PATJ: variants seen among roughly 807,000 people sequenced by gnomAD.
PATJ encodes inaD-like protein.
In PATJ, 190 loss-of-function variants were observed where a neutral mutation model predicts 224.9. That is an observed-to-expected ratio of 0.84 (90% CI 0.75 to 0.95). PATJ has a LOEUF of 0.95. Ranked by LOEUF, PATJ falls within the 40% of genes least tolerant of loss-of-function variation. PATJ has a pLI of 0.00. For synonymous variants in PATJ, 769 were observed against 820.3 expected (o/e 0.94, Z 1.07); for missense variants, 2,121 against 2,270.3 (o/e 0.93, Z 1.34).
At chr1:61,956,860 G>C (rs898639386) in intron 27 of PATJ, among the ~76,000 whole-genome samples, 1 of 152,216 alleles carries the variant, frequency 6.6e-6, no homozygotes, top group African/African-American at 2.4e-5. Flanking sequence ...TGTTTCAACT[G>C]TTCCTTGAGA....
chr1:61,871,459 A>ATATATATATATACATATATATGCG (rs1666481910), intron 20 of PATJ, among the ~76,000 whole-genome samples: 4 of 56,002 alleles, frequency 7.1e-5, no homozygotes, highest in African/African-American at 3.1e-4. Context: ...ATATATGCGT[A>ATATATATATATACATATATATGCG]TATATATGTA....
rs1164311143 is a variant in PATJ, at chr1:62,127,970, A to T, written c.5044-2A>T. The T allele has an allele frequency of 6.2e-7, 1 of 1,613,602 alleles. No individual in the cohort carries two copies. The highest frequency in any genetic ancestry group is 1.7e-5 in the Admixed American group (1 of 59,926). On this transcript the variant is annotated splice_acceptor_variant, in intron 39 of 43. Transcript: ENST00000642238. LOFTEE classifies it high-confidence loss of function. Reference sequence around the variant, plus strand: ...AAGCATTATGTTTTCTTCCTTTTTTAGGAGCTCAGTGATGCCCTTGGAATC... The same window carrying T: ...AAGCATTATGTTTTCTTCCTTTTTTTGGAGCTCAGTGATGCCCTTGGAATC...
chr1:62,020,322 C>G (rs1253029400), intron 29 of PATJ, among the ~76,000 whole-genome samples: 1 of 152,130 alleles, frequency 6.6e-6, no homozygotes, highest in Non-Finnish European at 1.5e-5. Context: ...GTAGTGATGG[C>G]TGCTACCACA....
intron 7 of PATJ, among the ~76,000 whole-genome samples, chr1:61,784,681 T>C (rs1282851681): frequency 6.6e-6 from 1 of 152,238 alleles, no homozygotes. Flanking sequence ...TTTTGATCAG[T>C]GCATAATTCT....
intron 27 of PATJ, among the ~76,000 whole-genome samples, chr1:61,958,497 G>A (rs1294464094): frequency 6.6e-6 from 1 of 152,088 alleles, no homozygotes; most frequent in Non-Finnish European, 1.5e-5. Flanking sequence ...ACACCTTAAA[G>A]CCCTCTATGG....
chr1:62,130,512 AT>A (rs1430807630), intron 41 of PATJ, among the ~76,000 whole-genome samples: 5 of 151,924 alleles, frequency 3.3e-5, no homozygotes, highest in South Asian at 2.1e-4. Flanking sequence ...TACAAAAAAA[AT>A]AAAAATAAAA....
chr1:62,144,796 A>ATATAT (rs1204098847), intron 41 of PATJ, among the ~76,000 whole-genome samples: 3 of 145,128 alleles, frequency 2.1e-5, no homozygotes, highest in African/African-American at 5.1e-5. Context: ...ATATATATAT[A>ATATAT]ATTAGCAGAA....
chr1:62,011,843 A>G (rs1375317026), intron 28 of PATJ, among the ~76,000 whole-genome samples: 2 of 152,106 alleles, frequency 1.3e-5, no homozygotes, highest in Middle Eastern at 3.2e-3. Flanking sequence ...ATGGGACTCC[A>G]TATTGCATTT....
intron 33 of PATJ, 35 bp from the exon 34 acceptor site, chr1:62,108,402 G>A (rs1312796508): frequency 7.3e-7 from 1 of 1,371,768 alleles, no homozygotes; most frequent in East Asian, 2.3e-5. Flanking sequence ...AGCATTTGTG[G>A]TTGTTGAAAA....
intron 16 of PATJ, 23 bp downstream of exon 16, chr1:61,827,606 TTCCC>T: frequency 1.2e-6 from 2 of 1,605,380 alleles, no homozygotes; most frequent in Non-Finnish European, 1.7e-6. Context: ...TATAGTGCAT[TTCCC>T]ATAGGCATGC....
chr1:61,822,684 G>C (rs1570717404), intron 14 of PATJ, among the ~76,000 whole-genome samples: 1 of 152,188 alleles, frequency 6.6e-6, no homozygotes, highest in African/African-American at 2.4e-5. Flanking sequence ...GGACTGCCTG[G>C]AGCTTAGAAT....
chr1:61,752,670 A>C (rs1349447726), intron 1 of PATJ, among the ~76,000 whole-genome samples: 1 of 152,150 alleles, frequency 6.6e-6, no homozygotes, highest in Non-Finnish European at 1.5e-5. Context: ...TTGAAGCACT[A>C]TTCACAAGTT....
At chr1:62,004,545 G>A (rs550522906) in intron 28 of PATJ, among the ~76,000 whole-genome samples, 86 of 152,174 alleles carry the variant, frequency 5.7e-4, no homozygotes, top group African/African-American at 2.0e-3. Context: ...CTTTTAAACT[G>A]AAAGATATTT....
At position 62,067,204 on chromosome 1, in the gene PATJ, G is replaced by A. The variant is rs537121884; in HGVS notation, c.4126-12246G>A. Among the ~76,000 whole-genome samples, 14 of 140,532 alleles carry A rather than the reference G, an allele frequency of 1.0e-4. No homozygotes were observed. The East Asian group carries it at 2.0e-3, about 20-fold the overall frequency. The allele number at this position is 140,532 out of a possible 152,430, so 92.2% of individuals were successfully genotyped here. On this transcript the variant is annotated intron_variant, in intron 31 of 43. Transcript: ENST00000642238. ...TGCAGTGGTGCAATCTTGGCTCACT[G>A]CAACCTCCACCTCCCAGGTTCAAGC...
intron 6 of PATJ, among the ~76,000 whole-genome samples, chr1:61,774,226 G>A (rs994057703): frequency 4.6e-5 from 7 of 151,974 alleles, no homozygotes; most frequent in Admixed American, 1.3e-4. Flanking sequence ...GGAGTTTGAG[G>A]CTGACATGAG....
intron 31 of PATJ, among the ~76,000 whole-genome samples, chr1:62,065,162 A>G (rs1405578292): frequency 6.6e-6 from 1 of 152,242 alleles, no homozygotes; most frequent in Non-Finnish European, 1.5e-5. Flanking sequence ...TACTTCCTTC[A>G]GGAAAGTCTC....
intron 18 of PATJ, among the ~76,000 whole-genome samples, chr1:61,860,276 G>T (rs1026680674): frequency 1.3e-5 from 2 of 151,716 alleles, no homozygotes; most frequent in Non-Finnish European, 2.9e-5. Flanking sequence ...GCCCAGGCTG[G>T]TCTTGAACTC....
In PATJ at chr1:62,148,704, C is replaced by T. The variant is rs76076687; in HGVS notation, c.5378+314C>T. On this transcript the variant is annotated intron_variant, in intron 42 of 43. Coordinates refer to ENST00000642238, the MANE Select transcript of PATJ (RefSeq NM_001350145.3). ...TGTGCAAGGAACCACGTTTCCTGAA[C>T]TTCTAGGCTAAAATCTTGTTCTGAG... Among the ~76,000 whole-genome samples, 876 of 152,258 alleles carry T rather than the reference C, an allele frequency of 5.8e-3. 3 individuals carry two copies. The highest frequency in any genetic ancestry group is 0.02 in the African/African-American group (830 of 41,540).
chr1:62,087,236 C>T (rs965436931), intron 33 of PATJ, among the ~76,000 whole-genome samples: 2 of 151,948 alleles, frequency 1.3e-5, no homozygotes, highest in African/African-American at 4.8e-5. Flanking sequence ...AGAGTCTTCC[C>T]TGAAGTCCAG....
Sources: gnomAD v4.1 joint callset for allele counts (sites outside exome capture counted in the v4.1 genomes callset) on GRCh38, gnomAD v4.1.1 for gene constraint, MANE v1.5 for transcripts, NCBI Gene and HGNC (gene_info 2026-07-23, HGNC 2026-07-21) for gene names.